Variants in NMRAL1 observed in about 807,000 individuals in gnomAD.
NMRAL1 encodes the protein NmrA like redox sensor 1, also known as nmrA-like family domain-containing protein 1.
In NMRAL1, 32 loss-of-function variants were observed where a neutral mutation model predicts 27.5. That is an observed-to-expected ratio of 1.16 (90% CI 0.88 to 1.56). NMRAL1 has a LOEUF of 1.56. Among genes scored for constraint, NMRAL1 ranks in the 40% most tolerant of loss-of-function variants. NMRAL1 has a pLI of 0.00. For synonymous variants in NMRAL1, 166 were observed against 166.8 expected (o/e 1.00, Z 0.04); for missense variants, 420 against 392.0 (o/e 1.07, Z -0.60).
rs771799219 is a variant in NMRAL1, at chr16:4,461,768, G to C, written c.*12C>G. On this transcript the variant is annotated 3_prime_UTR_variant, in exon 6 of 6. Coordinates refer to ENST00000283429, the MANE Select transcript of NMRAL1 (RefSeq NM_020677.6). Reference sequence around the variant, plus strand: ...GCCCCCGATCCCCACAAGGGGCCGCGAGGCGGGCAGGTCACAGCAGGTTGA... The same window carrying C: ...GCCCCCGATCCCCACAAGGGGCCGCCAGGCGGGCAGGTCACAGCAGGTTGA... 1 of 1,601,384 alleles carries C rather than the reference G, an allele frequency of 6.2e-7. No individual in the cohort carries two copies. Among genetic ancestry groups the C allele is most frequent in the Non-Finnish European group, 8.5e-7 (1 of 1,174,008 alleles).
intron 1 of NMRAL1, 29 bp from the exon 2 acceptor site, chr16:4,474,195 G>C: frequency 6.5e-7 from 1 of 1,549,212 alleles, no homozygotes. Flanking sequence ...GTGGAGTTGG[G>C]GGTGGGGCCG....
At position 4,466,320 on chromosome 16, in the gene NMRAL1, G is replaced by A. The variant is rs779258307; in HGVS notation, c.362C>T (p.Thr121Met). Residue 121 changes from threonine (T) to methionine (M), a missense_variant, in exon 4 of 6, where the codon ACG (threonine) becomes ATG (methionine). By Grantham distance (81) the Thr-to-Met change is moderately conservative (BLOSUM62 -1). Transcript: ENST00000283429. ...GTGCGCGGCGGCCAATCTCCCTGCC[G>A]TCAGCTTCTTGATGTTCTCCAGGCC... ...YSGLENIKKL[T>M]AGRLAAAHFD... The A allele has an allele frequency of 5.0e-5, 80 of 1,613,816 alleles. No individual in the cohort carries two copies. The highest frequency in any genetic ancestry group is 4.0e-4 in the Admixed American group (24 of 59,996).
chr16:4,474,514 G>C (rs2057752266), intron 1 of NMRAL1, 40 bp downstream of exon 1: 1 of 188,256 alleles, frequency 5.3e-6, no homozygotes, highest in Non-Finnish European at 1.1e-5. Context: ...ATGGAGCTGC[G>C]CGCTAGGCGC....
intron 1 of NMRAL1, 29 bp downstream of exon 1, chr16:4,474,525 C>T (rs2141478243): frequency 5.7e-6 from 1 of 175,706 alleles, no homozygotes; most frequent in African/African-American, 2.4e-5. Context: ...CGCTAGGCGC[C>T]AACTCCCTCC....
intron 3 of NMRAL1, chr16:4,467,155 G>A (rs1278453188): frequency 6.6e-6 from 1 of 152,200 alleles, no homozygotes; most frequent in Non-Finnish European, 1.5e-5. Flanking sequence ...GGAGATTGGA[G>A]CTTTGTGGCC....
Position 4,463,936 on chromosome 16 carries a change from T to C in NMRAL1, c.530-86A>G. 3.5e-6 allele frequency: 4 copies of C among 1,148,424 alleles called. No homozygotes were observed. In the South Asian group the frequency reaches 5.8e-5, roughly 17 times the overall value. 71.1% of individuals were successfully genotyped at this position (1,148,424 alleles called of 1,614,324 possible). A position where few individuals can be genotyped will look rare whatever the true frequency, so the allele number is the denominator to read the frequency against. On this transcript the variant is annotated intron_variant, in intron 4 of 5. Coordinates refer to ENST00000283429, the MANE Select transcript of NMRAL1 (RefSeq NM_020677.6). ...CCCCTCTCCAAAGGGTCCAAGCTGG[T>C]TCTTCCCAGCAGTCAGCTGCACACT...
At chr16:4,470,774 T>C (rs974297040) in intron 2 of NMRAL1, among the ~76,000 whole-genome samples, 3 of 151,758 alleles carry the variant, frequency 2.0e-5, no homozygotes, top group Non-Finnish European at 4.4e-5. Context: ...GGTGAAACCC[T>C]GTCTCTACTA....
At chr16:4,470,888 A>G (rs1020692819) in intron 2 of NMRAL1, among the ~76,000 whole-genome samples, 1 of 150,516 alleles carries the variant, frequency 6.6e-6, no homozygotes, top group Non-Finnish European at 1.5e-5. Context: ...TGGAGCTTGC[A>G]GTGAGCCGAG....
chr16:4,470,668 C>T (rs960482979), intron 2 of NMRAL1, among the ~76,000 whole-genome samples: 1 of 151,860 alleles, frequency 6.6e-6, no homozygotes, highest in African/African-American at 2.4e-5. Context: ...AAAAATGAGG[C>T]CGGGTGCAGT....
chr16:4,468,690 G>T (rs1412991095), intron 3 of NMRAL1, among the ~76,000 whole-genome samples: 3 of 151,874 alleles, frequency 2.0e-5, no homozygotes, highest in Non-Finnish European at 4.4e-5. Context: ...TGGGCTTCTA[G>T]GTAAGACCAT....
chr16:4,463,938 C>G (rs1567346659), intron 4 of NMRAL1, 88 bp from the exon 5 acceptor site: 7 of 1,123,416 alleles, frequency 6.2e-6, no homozygotes, highest in African/African-American at 3.1e-5. Flanking sequence ...CAAGCTGGTT[C>G]TTCCCAGCAG....
chr16:4,462,287 T>C (rs1293111116), intron 5 of NMRAL1, among the ~76,000 whole-genome samples: 2 of 151,870 alleles, frequency 1.3e-5, no homozygotes, highest in Non-Finnish European at 2.9e-5. Context: ...GAGACCAGCG[T>C]GGCCAACACG....
chr16:4,474,197 G>A (rs2057727255), intron 1 of NMRAL1, 31 bp from the exon 2 acceptor site: 1 of 1,547,714 alleles, frequency 6.5e-7, no homozygotes. Flanking sequence ...GGAGTTGGGG[G>A]TGGGGCCGGG....
intron 3 of NMRAL1, among the ~76,000 whole-genome samples, chr16:4,467,759 A>G (rs2057383415): frequency 6.6e-6 from 1 of 151,526 alleles, no homozygotes; most frequent in Non-Finnish European, 1.5e-5. Flanking sequence ...AGCTGGGATT[A>G]CAGGCGCCCA....
intron 2 of NMRAL1, among the ~76,000 whole-genome samples, chr16:4,472,582 A>C: frequency 6.6e-6 from 1 of 152,098 alleles, no homozygotes; most frequent in East Asian, 1.9e-4. Flanking sequence ...CATCTCTATT[A>C]AAAATACAAA....
chr16:4,467,962 G>A (rs572766707), intron 3 of NMRAL1, among the ~76,000 whole-genome samples: 22 of 151,950 alleles, frequency 1.4e-4, no homozygotes, highest in African/African-American at 4.1e-4. Flanking sequence ...GTCCTTTTTC[G>A]TGACAGTACC....
intron 2 of NMRAL1, 62 bp downstream of exon 2, chr16:4,474,031 G>C: frequency 7.4e-7 from 1 of 1,346,268 alleles, no homozygotes; most frequent in Non-Finnish European, 1.1e-6. Flanking sequence ...ACCCCAGGAC[G>C]GGCGGTCTTC....
rs755108746 is a variant in NMRAL1 at position 4,474,123 on chromosome 16, T to C, written c.10A>G (p.Lys4Glu). 6.2e-7 allele frequency: 1 copy of C among 1,612,144 alleles called. No homozygotes were observed. The highest frequency in any genetic ancestry group is 1.7e-5 in the Admixed American group (1 of 59,830). The change falls in exon 2 of 6, where the codon AAG (lysine) becomes GAG (glutamate). Residue 4 changes from lysine to glutamate, a missense_variant. Transcript: ENST00000283429. ...CCTCCGAAAACCACCACCAGTTTCT[T>C]GTCCACCATGAGGACGAGAATGGGA... MVD[K>E]KLVVVFGGTG...
At chr16:4,462,500 CTA>C (rs2057145985) in intron 5 of NMRAL1, among the ~76,000 whole-genome samples, 1 of 152,012 alleles carries the variant, frequency 6.6e-6, no homozygotes, top group Admixed American at 6.6e-5. Context: ...AATAAAAAGA[CTA>C]TTATTTTCAG....
Sources: allele counts gnomAD v4.1 joint callset (sites outside exome capture counted in the v4.1 genomes callset), GRCh38; gene constraint gnomAD v4.1.1; transcripts MANE v1.5; gene names NCBI Gene and HGNC (gene_info 2026-07-23, HGNC 2026-07-21).